The following TNFRSF1A variants were observed in gnomAD, a reference collection of about 807,000 sequenced individuals.
TNFRSF1A encodes TNF receptor superfamily member 1A, also known as tumor necrosis factor receptor superfamily member 1A.
TNFRSF1A carries 9 observed loss-of-function variants against 41.6 expected under a neutral mutation model. That is an observed-to-expected ratio of 0.22 (90% confidence interval 0.13 to 0.38). TNFRSF1A has a LOEUF of 0.38. Among genes scored for constraint, TNFRSF1A ranks in the 10% least tolerant of loss-of-function variants. The probability of loss-of-function intolerance (pLI) is 1.00; values close to 1 mark genes in which losing one functional copy is unlikely to be tolerated. For synonymous variants in TNFRSF1A, 254 were observed against 248.6 expected, an observed-to-expected ratio of 1.02 and a Z score of -0.21; for missense variants, 463 against 591.5, an observed-to-expected ratio of 0.78 and a Z score of 2.25.
intron 7 of TNFRSF1A, 117 bp from the exon 8 acceptor site, chr12:6,330,412 G>C: frequency 8.8e-7 from 1 of 1,131,942 alleles, no homozygotes; most frequent in African/African-American, 1.5e-5. Context: ...TGTGGCCCCA[G>C]GGACGAGAGA....
chr12:6,328,972 GCTTAT>G lies in TNFRSF1A; in HGVS notation c.*335_*339del, dbSNP rs1947984324. 3.0e-6 allele frequency: 1 copy of G among 334,798 alleles called. No individual in the cohort carries two copies. The highest frequency in any genetic ancestry group is 5.4e-6 in the Non-Finnish European group (1 of 185,420). 20.7% of individuals were successfully genotyped at this position (334,798 alleles called of 1,614,324 possible). On this transcript the variant is annotated 3_prime_UTR_variant, in exon 10 of 10. Coordinates refer to ENST00000162749, the MANE Select transcript of TNFRSF1A (RefSeq NM_001065.4). ...AAACAAAACAAAAACAAAAAAAACT[GCTTAT>G]GCACTGTGAAAAAGGCTCAGGGACG...
In TNFRSF1A at chr12:6,329,031, G is replaced by A. The variant is rs1040807260; in HGVS notation, c.*281C>T. ...CAGGGGCCCCCGAGCAGCCTTGCTG[G>A]TGAGGACACCCAAAACGGGCATGAG... On this transcript the variant is annotated 3_prime_UTR_variant, in exon 10 of 10. Coordinates refer to ENST00000162749, the MANE Select transcript of TNFRSF1A (RefSeq NM_001065.4). The A allele has an allele frequency of 1.3e-5, 5 of 392,934 alleles. No homozygotes were observed. The highest frequency in any genetic ancestry group is 1.0e-4 in the African/African-American group (5 of 48,420). 24.3% of individuals were successfully genotyped at this position (392,934 alleles called of 1,614,324 possible).
rs767801973 is a variant in TNFRSF1A, at chr12:6,334,055, G to A, written c.193+36C>T. ...AAGCAGAGAAAGAAGCAGCACCCCA[G>A]ACCTGAGGGCATTCACCGTTTCCAC... On this transcript the variant is annotated intron_variant, in intron 2 of 9. Transcript: ENST00000162749. This position sits in a 1 kb window ranked among gnomAD's most constrained non-coding sequence, Gnocchi z 5.1. 25 of 1,613,998 alleles carry A rather than the reference G, an allele frequency of 1.5e-5. No individual in the cohort carries two copies. Among genetic ancestry groups the A allele is most frequent in the Middle Eastern group, 3.3e-4 (2 of 6,056 alleles).
In TNFRSF1A at chr12:6,341,504, AACTTCCAC is replaced by A. The variant is rs1223793853; in HGVS notation, c.39+264_39+271del. The stretch of plus-strand genomic sequence containing the variant: ...GCCCACATTCCCTTGGCCGCCCACA[AACTTCCAC>A]CGCTGTCAGGGGCCAGGGCTTCCTT... On this transcript the variant is annotated intron_variant, in intron 1 of 9. Transcript: ENST00000162749. This position sits in a 1 kb window ranked among gnomAD's most constrained non-coding sequence, Gnocchi z 4.6. Among the ~76,000 whole-genome samples the A allele has an allele frequency of 1.3e-5, 2 of 152,110 alleles. No homozygotes were observed. Among genetic ancestry groups the A allele is most frequent in the Non-Finnish European group, 1.5e-5 (1 of 68,008 alleles).
chr12:6,333,202 C>A lies in TNFRSF1A; in HGVS notation c.473-55G>T, dbSNP rs1948072821. The A allele has an allele frequency of 3.1e-6, 5 of 1,589,888 alleles. No homozygotes were observed. The highest frequency in any genetic ancestry group is 4.3e-6 in the Non-Finnish European group (5 of 1,160,430). Reference sequence around the variant, plus strand: ...GAGAAGCGCCTGCACCCCCACCCCACAGGACAGAGGAAGTGACGAGGGACA... The same window carrying A: ...GAGAAGCGCCTGCACCCCCACCCCAAAGGACAGAGGAAGTGACGAGGGACA... On this transcript the variant is annotated intron_variant, in intron 4 of 9. Coordinates refer to ENST00000162749, the MANE Select transcript of TNFRSF1A (RefSeq NM_001065.4). This position sits in a 1 kb window ranked among gnomAD's most constrained non-coding sequence, Gnocchi z 6.3.
intron 1 of TNFRSF1A, among the ~76,000 whole-genome samples, chr12:6,335,953 G>T (rs751744394): frequency 1.3e-5 from 2 of 152,220 alleles, no homozygotes; most frequent in Admixed American, 1.3e-4. Context: ...TCCCCTGCCC[G>T]CACCAGCCAA....
Position 6,334,165 on chromosome 12 carries a change from C to T in TNFRSF1A, c.119G>A (p.Arg40Lys). 6.2e-7 allele frequency: 1 copy of T among 1,614,172 alleles called. No homozygotes were observed. The highest frequency in any genetic ancestry group is 8.5e-7 in the Non-Finnish European group (1 of 1,180,020). Residue 40 changes from arginine (R) to lysine (K), a missense_variant, in exon 2 of 10, where the codon AGA becomes AAA. Around this residue, in one of 4 missense-constraint regions of TNFRSF1A, gnomAD observed 37 missense variants for 46.5 expected, o/e 0.80. Transcript: ENST00000162749. This position sits in a 1 kb window ranked among gnomAD's most constrained non-coding sequence, Gnocchi z 5.1. ...LVPHLGDREK[R>K]DSVCPQGKYI... ...TTTTCCTTGGGGACACACACTATCT[C>T]TCTTCTCCCTGTCCCCTAGGTGAGG...
intron 1 of TNFRSF1A, among the ~76,000 whole-genome samples, chr12:6,335,949 G>A (rs1449566593): frequency 6.6e-6 from 1 of 152,212 alleles, no homozygotes; most frequent in Admixed American, 6.5e-5. Flanking sequence ...ACCTTCCCCT[G>A]CCCGCACCAG....
At chr12:6,329,705 C>T (rs1948009414) in intron 9 of TNFRSF1A, 73 bp downstream of exon 9, 1 of 1,540,748 alleles carries the variant, frequency 6.5e-7, no homozygotes, top group South Asian at 1.2e-5. Flanking sequence ...CTCGTGGTCC[C>T]CTCTGGGAGC....
At position 6,334,253 on chromosome 12, in the gene TNFRSF1A, G is replaced by A. The variant is rs371080583; in HGVS notation, c.40-9C>T. 5 of 1,612,118 alleles carry A rather than the reference G, an allele frequency of 3.1e-6. No individual in the cohort carries two copies. The South Asian group carries it at 5.5e-5, about 18-fold the overall frequency. ...AACAGCTCCAGGAGCACCTGGGGAA[G>A]AATCAGATAGAGGAGACACCATCAA... On this transcript the variant is annotated splice_polypyrimidine_tract_variant and intron_variant, in intron 1 of 9. Transcript: ENST00000162749. This position sits in a 1 kb window ranked among gnomAD's most constrained non-coding sequence, Gnocchi z 5.1.
intron 5 of TNFRSF1A, chr12:6,332,000 C>CAAAAAAAAAAAAAA: frequency 2.6e-5 from 2 of 76,674 alleles, no homozygotes; most frequent in South Asian, 1.1e-4. Context: ...GACTCTGTGT[C>CAAAAAAAAAAAAAA]AAAAAAAAAA....
intron 1 of TNFRSF1A, among the ~76,000 whole-genome samples, chr12:6,340,884 G>A (rs965566992): frequency 4.6e-5 from 7 of 152,174 alleles, no homozygotes; most frequent in Admixed American, 4.6e-4. Context: ...CCAGAGAAAG[G>A]GACATTTTCC....
At position 6,329,876 on chromosome 12, in the gene TNFRSF1A, C is replaced by T. The variant is rs1057524143; in HGVS notation, c.959G>A (p.Gly320Glu). 3.1e-6 allele frequency: 5 copies of T among 1,591,732 alleles called. No homozygotes were observed. The highest frequency in any genetic ancestry group is 4.3e-6 in the Non-Finnish European group (5 of 1,168,870). ...PRREVAPPYQGADPILATALA... is the reference protein window; with the variant it reads ...PRREVAPPYQEADPILATALA... ...GGCTGTCGCAAGGATGGGGTCAGCCCCCTGATAGGGTGGTGCCACCTCTCT... is the reference window on the plus strand; with the variant it reads ...GGCTGTCGCAAGGATGGGGTCAGCCTCCTGATAGGGTGGTGCCACCTCTCT... The change falls in exon 9 of 10, where the codon GGG becomes GAG. Residue 320 changes from glycine to glutamate, a missense_variant. This residue lies in a region of TNFRSF1A where 277 missense variants were observed against 288.8 expected (regional missense o/e 0.96). Transcript: ENST00000162749.
chr12:6,341,690 G>A lies in TNFRSF1A; in HGVS notation c.39+86C>T, dbSNP rs1252934373. ...GCCAGGACCAGGCCCGGGCAGGAGA[G>A]GCTCGGCCCCCTCCCGGAGAGGGCC... On this transcript the variant is annotated intron_variant, in intron 1 of 9. Transcript: ENST00000162749. The surrounding 1 kb of genome is among the most constrained non-coding windows in gnomAD (Gnocchi z 4.6). 1.3e-6 allele frequency: 2 copies of A among 1,524,758 alleles called. No individual in the cohort carries two copies. The highest frequency in any genetic ancestry group is 2.3e-5 in the East Asian group (1 of 43,766). 94.5% of individuals were successfully genotyped at this position (1,524,758 alleles called of 1,614,324 possible). A position where few individuals can be genotyped will look rare whatever the true frequency, so the allele number is the denominator to read the frequency against.
At chr12:6,330,416 C>T (rs758966751) in intron 7 of TNFRSF1A, 121 bp from the exon 8 acceptor site, 20 of 1,109,792 alleles carry the variant, frequency 1.8e-5, no homozygotes, top group Middle Eastern at 3.9e-4. Context: ...GCCCCAGGGA[C>T]GAGAGAGCTA....
At position 6,330,487 on chromosome 12, in the gene TNFRSF1A, G is replaced by A. The variant is rs760321030; in HGVS notation, c.739+111C>T. ...CCACCTTCTGCCCAGAGTCCCCAGC[G>A]GTATGAACTGAGGGGACACTCCTCA... On this transcript the variant is annotated intron_variant, in intron 7 of 9. Coordinates refer to ENST00000162749, the MANE Select transcript of TNFRSF1A (RefSeq NM_001065.4). The A allele has an allele frequency of 1.2e-5, 12 of 1,013,428 alleles. No homozygotes were observed. In the African/African-American group the frequency reaches 1.6e-4, roughly 13 times the overall value. 62.8% of individuals were successfully genotyped at this position (1,013,428 alleles called of 1,614,324 possible). A position where few individuals can be genotyped will look rare whatever the true frequency, so the allele number is the denominator to read the frequency against.
rs104895277 is a variant in TNFRSF1A at position 6,333,361 on chromosome 12, G to T, written c.472+6C>A. ...GAGGGCTTGGCCTCAGGAGAGCTGCGCTCACAGGAGAGGTGCACGGTCCCA... is the reference window on the plus strand; with the variant it reads ...GAGGGCTTGGCCTCAGGAGAGCTGCTCTCACAGGAGAGGTGCACGGTCCCA... On this transcript the variant is annotated splice_donor_region_variant and intron_variant, in intron 4 of 9. Coordinates refer to ENST00000162749, the MANE Select transcript of TNFRSF1A (RefSeq NM_001065.4). This position sits in a 1 kb window ranked among gnomAD's most constrained non-coding sequence, Gnocchi z 6.3. 1.2e-6 allele frequency: 2 copies of T among 1,613,202 alleles called. No individual in the cohort carries two copies. The highest frequency in any genetic ancestry group is 1.7e-6 in the Non-Finnish European group (2 of 1,179,674).
intron 5 of TNFRSF1A, chr12:6,331,278 G>T (rs1273907957): frequency 2.6e-6 from 1 of 381,804 alleles, no homozygotes; most frequent in Non-Finnish European, 5.0e-6. Context: ...TCAGGATTGA[G>T]GATTAAGCAA....
At position 6,341,765 on chromosome 12, in the gene TNFRSF1A, C is replaced by T. The variant is rs1948198330; in HGVS notation, c.39+11G>A. On this transcript the variant is annotated intron_variant, in intron 1 of 9. Transcript: ENST00000162749. This position sits in a 1 kb window ranked among gnomAD's most constrained non-coding sequence, Gnocchi z 4.6. ...CCACCAGCCCACTCTTCCCTTTGTC[C>T]CTGGTCTCACCAGTGGCAGCAGCAG... is the stretch of plus-strand genomic sequence containing the variant. 2 of 1,613,978 alleles carry T rather than the reference C, an allele frequency of 1.2e-6. No homozygotes were observed. Among genetic ancestry groups the T allele is most frequent in the Admixed American group, 3.3e-5 (2 of 60,010 alleles).
Sources: gnomAD v4.1 joint callset for allele counts (sites outside exome capture counted in the v4.1 genomes callset) on GRCh38, gnomAD v4.1.1 for gene constraint, gnomAD v4.1.1 regional missense constraint, Gnocchi (gnomAD v3.1) non-coding constraint, MANE v1.5 for transcripts, NCBI Gene and HGNC (gene_info 2026-07-23, HGNC 2026-07-21) for gene names.